MYO15A: variants seen among roughly 807,000 people sequenced by gnomAD.
MYO15A encodes the protein unconventional myosin-XV.
Under a neutral mutation model 394.6 loss-of-function variants are expected in MYO15A, and 308 were observed. The ratio of observed to expected loss-of-function variants is 0.78; its 90% CI spans 0.71 to 0.86. The LOEUF (loss-of-function observed/expected upper bound fraction) is 0.86. Ranked by LOEUF, MYO15A falls within the 40% of genes least tolerant of loss-of-function variation. The probability of loss-of-function intolerance (pLI) is 0.00; values close to 1 mark genes in which losing one functional copy is unlikely to be tolerated. For synonymous variants in MYO15A, 1,957 were observed against 2,003.8 expected (o/e 0.98, Z 0.62); for missense variants, 4,606 against 4,799.1 (o/e 0.96, Z 1.19).
intron 1 of MYO15A, among the ~76,000 whole-genome samples, chr17:18,116,303 C>G (rs1360248019): frequency 6.6e-6 from 1 of 152,214 alleles, no homozygotes; most frequent in African/African-American, 2.4e-5. Flanking sequence ...CGACTATGCT[C>G]CTGGCTCTGC....
intron 4 of MYO15A, among the ~76,000 whole-genome samples, chr17:18,126,078 T>G (rs2046032342): frequency 6.6e-6 from 1 of 152,166 alleles, no homozygotes; most frequent in Admixed American, 6.5e-5. Context: ...CTTGAACAAA[T>G]GAAGTAGGCA....
rs368330095 is a variant in MYO15A, at chr17:18,150,479, G to A, written c.7263G>A (p.Gln2421=). 23 of 1,614,184 alleles carry A rather than the reference G, an allele frequency of 1.4e-5. No individual in the cohort carries two copies. The African/African-American group carries it at 3.1e-4, about 22-fold the overall frequency. Residue 2421 remains glutamine (Q), a synonymous_variant, in exon 36 of 66, where the codon CAG becomes CAA. Coordinates refer to ENST00000647165, the MANE Select transcript of MYO15A (RefSeq NM_016239.4). This position sits in a 1 kb window ranked among gnomAD's most constrained non-coding sequence, Gnocchi z 4.4. ...AIAYRMKGGG[Q]PGGGSSSGTE... is the part of the protein sequence containing the mutation. Reference sequence around the variant, plus strand: ...CCTACCGCATGAAAGGGGGAGGCCAGCCCGGTGGAGGCAGCAGTAGTGGTA... The same window carrying A: ...CCTACCGCATGAAAGGGGGAGGCCAACCCGGTGGAGGCAGCAGTAGTGGTA...
Position 18,172,165 on chromosome 17 carries a change from A to C in MYO15A, c.10225A>C (p.Ser3409Arg), listed in dbSNP as rs767149302. The stretch of plus-strand genomic sequence containing the variant: ...CCCCTCTCCCTGCCCAGGCCTCCTC[A>C]GCGCCTTACCTATGTTCGGCTCCTC... ...QARAQFLGLL[S>R]ALPMFGSSFF... The change falls in exon 64 of 66, where the codon AGC becomes CGC. Residue 3409 changes from serine (S) to arginine (R), a missense_variant. Physicochemically the swap from Ser to Arg is moderately radical, Grantham distance 110 (BLOSUM62 -1). This residue lies in a region of MYO15A where 2,776 missense variants were observed against 3,109.3 expected (regional missense o/e 0.89). Coordinates refer to ENST00000647165, the MANE Select transcript of MYO15A (RefSeq NM_016239.4). The C allele has an allele frequency of 3.7e-6, 6 of 1,614,078 alleles. No homozygotes were observed. Among genetic ancestry groups the C allele is most frequent in the Middle Eastern group, 1.7e-4 (1 of 6,058 alleles).
Position 18,147,083 on chromosome 17 carries a change from A to G in MYO15A, c.6510-946A>G, listed in dbSNP as rs1052719989. Reference sequence around the variant, plus strand: ...AATGATGTCACCCTGCTGGGTGAGAAGGATGATTTGCAAGGAAATCGCTCA... The same window carrying G: ...AATGATGTCACCCTGCTGGGTGAGAGGGATGATTTGCAAGGAAATCGCTCA... On this transcript the variant is annotated intron_variant, in intron 30 of 65. Coordinates refer to ENST00000647165, the MANE Select transcript of MYO15A (RefSeq NM_016239.4). This position sits in a 1 kb window ranked among gnomAD's most constrained non-coding sequence, Gnocchi z 4.4. Among the ~76,000 whole-genome samples, 10 of 152,236 alleles carry G rather than the reference A, an allele frequency of 6.6e-5. No homozygotes were observed. The highest frequency in any genetic ancestry group is 2.4e-4 in the African/African-American group (10 of 41,454).
intron 3 of MYO15A, chr17:18,124,802 T>G: frequency 1.7e-6 from 1 of 593,014 alleles, no homozygotes; most frequent in South Asian, 2.0e-5. Flanking sequence ...TTTGTTTCTC[T>G]GCACCTCAGT....
chr17:18,127,090 T>C lies in MYO15A; in HGVS notation c.3957T>C (p.Ser1319=), dbSNP rs1221117607. ...QCIIISGESG[S]GKTEATKLIL... is the part of the protein sequence containing the mutation. The stretch of plus-strand genomic sequence containing the variant: ...GCTCGGTCAGTGGAGAGAGCGGCTC[T>C]GGCAAAACTGAGGCCACCAAGCTGA... The change falls in exon 7 of 66, where the codon TCT becomes TCC. Residue 1319 remains serine (S), a synonymous_variant. Transcript: ENST00000647165. The C allele has an allele frequency of 6.2e-7, 1 of 1,614,030 alleles. No homozygotes were observed. The highest frequency in any genetic ancestry group is 8.5e-7 in the Non-Finnish European group (1 of 1,179,998).
chr17:18,137,104 G>A (rs1359755582), intron 15 of MYO15A, among the ~76,000 whole-genome samples: 1 of 152,188 alleles, frequency 6.6e-6, no homozygotes, highest in Admixed American at 6.5e-5. Flanking sequence ...GTGTGTTGGG[G>A]GGTGACTGTT....
intron 5 of MYO15A, 75 bp from the exon 6 acceptor site, chr17:18,126,716 G>A: frequency 6.7e-7 from 1 of 1,496,536 alleles, no homozygotes; most frequent in Admixed American, 1.7e-5. Flanking sequence ...GCTGGATACG[G>A]ATGCTCCCTG....
chr17:18,124,762 T>C (rs1485297871), intron 3 of MYO15A, 197 bp downstream of exon 3: 1 of 616,468 alleles, frequency 1.6e-6, no homozygotes, highest in African/African-American at 1.8e-5. Context: ...GCCCCACCAC[T>C]CACCAGCTGG....
At position 18,163,754 on chromosome 17, in the gene MYO15A, G is replaced by A. The variant is rs200223917; in HGVS notation, c.9703G>A (p.Val3235Met). Residue 3235 changes from valine (V) to methionine (M), a missense_variant, in exon 60 of 66, where the codon GTG (valine) becomes ATG (methionine). Physicochemically the swap from Val to Met is conservative, Grantham distance 21. This residue lies in a region of MYO15A where 2,776 missense variants were observed against 3,109.3 expected (regional missense o/e 0.89). Coordinates refer to ENST00000647165, the MANE Select transcript of MYO15A (RefSeq NM_016239.4). ...GCCCCACCCCCAGGTGGCCCTGGAC[G>A]TGGTGGAAGAGATATGTGCTGAGAT... Reference protein sequence around the residue: ...KIKTCTVALDVVEEICAEMAL... With the variant: ...KIKTCTVALDMVEEICAEMAL... The A allele has an allele frequency of 6.6e-5, 106 of 1,613,416 alleles. No individual in the cohort carries two copies. Among genetic ancestry groups the A allele is most frequent in the South Asian group, 8.8e-5 (8 of 90,854 alleles).
At position 18,157,702 on chromosome 17, in the gene MYO15A, G is replaced by A; in HGVS notation, c.8789-20G>A. 1 of 1,604,064 alleles carries A rather than the reference G, an allele frequency of 6.2e-7. No homozygotes were observed. The highest frequency in any genetic ancestry group is 8.5e-7 in the Non-Finnish European group (1 of 1,179,852). On this transcript the variant is annotated intron_variant, in intron 50 of 65. Coordinates refer to ENST00000647165, the MANE Select transcript of MYO15A (RefSeq NM_016239.4). The stretch of plus-strand genomic sequence containing the variant: ...AGACAAGACCCTCCTGTTTGCCTCA[G>A]ACCTTTTACCCACCCCTAGGCTGGA...
rs778354646 is a variant in MYO15A at position 18,139,603 on chromosome 17, C to A, written c.5203C>A (p.Arg1735=). ...QDVLDLFVRS[R]TRVVAHLFSS... The stretch of plus-strand genomic sequence containing the variant: ...TGTGCTGGACCTGTTCGTACGGAGC[C>A]GGACACGGGTAAGCCTCGCCTCCCA... Residue 1735 remains arginine, a synonymous_variant, in exon 19 of 66, where the codon CGG becomes AGG. Transcript: ENST00000647165. 4 of 1,613,872 alleles carry A rather than the reference C, an allele frequency of 2.5e-6. No homozygotes were observed. Among genetic ancestry groups the A allele is most frequent in the African/African-American group, 1.3e-5 (1 of 74,922 alleles).
intron 60 of MYO15A, among the ~76,000 whole-genome samples, chr17:18,166,010 G>C (rs2046848659): frequency 6.6e-6 from 1 of 152,160 alleles, no homozygotes; most frequent in South Asian, 2.1e-4. Context: ...GAAAGGAGCT[G>C]GGCCTTCTCT....
intron 1 of MYO15A, among the ~76,000 whole-genome samples, chr17:18,115,451 T>G (rs911639206): frequency 2.6e-5 from 4 of 152,120 alleles, no homozygotes; most frequent in Non-Finnish European, 5.9e-5. Flanking sequence ...AAACCCTGTC[T>G]CTACTAAAAA....
At position 18,120,530 on chromosome 17, in the gene MYO15A, A is replaced by G. The variant is rs1211136491; in HGVS notation, c.1730A>G (p.Lys577Arg). ...GCCACCTCGCTTGCGCGGTTCCTCA[A>G]GAAGACGCTGTCGGAGAAGAAGCCC... Reference protein sequence around the residue: ...RPATSLARFLKKTLSEKKPIA... With the variant: ...RPATSLARFLRKTLSEKKPIA... Residue 577 changes from lysine (K) to arginine (R), a missense_variant, in exon 2 of 66, where the codon AAG becomes AGG. Coordinates refer to ENST00000647165, the MANE Select transcript of MYO15A (RefSeq NM_016239.4). The G allele has an allele frequency of 3.1e-6, 5 of 1,592,698 alleles. No individual in the cohort carries two copies. In the African/African-American group the frequency reaches 5.4e-5, roughly 17 times the overall value.
At chr17:18,158,315 G>T (rs1039449516) in intron 51 of MYO15A, 7 of 600,600 alleles carry the variant, frequency 1.2e-5, no homozygotes, top group Non-Finnish European at 1.8e-5. Flanking sequence ...GCCAAGTGGG[G>T]CAGGGAGCCA....
At chr17:18,174,136 C>G (rs1470578779) in intron 65 of MYO15A, among the ~76,000 whole-genome samples, 1 of 152,168 alleles carries the variant, frequency 6.6e-6, no homozygotes, top group Non-Finnish European at 1.5e-5. Context: ...AGTACGGAGC[C>G]ATAGAAGGTT....
chr17:18,163,998 C>T (rs528714941), intron 60 of MYO15A, 160 bp downstream of exon 60: 85 of 726,998 alleles, frequency 1.2e-4, no homozygotes, highest in Admixed American at 9.3e-4. Flanking sequence ...GTACCAAGCA[C>T]GCCCAGCCCT....
At chr17:18,140,425 TG>T (rs2046356653) in intron 19 of MYO15A, 91 bp from the exon 20 acceptor site, 1 of 1,560,474 alleles carries the variant, frequency 6.4e-7, no homozygotes. Context: ...CAGATCCCCC[TG>T]GTCCGGAGAT....
Sources: gnomAD v4.1 joint callset for allele counts (sites outside exome capture counted in the v4.1 genomes callset) on GRCh38, gnomAD v4.1.1 for gene constraint, gnomAD v4.1.1 regional missense constraint, Gnocchi (gnomAD v3.1) non-coding constraint, MANE v1.5 for transcripts, NCBI Gene and HGNC (gene_info 2026-07-23, HGNC 2026-07-21) for gene names.